Variants in OSBPL9 observed in about 807,000 individuals in gnomAD.
OSBPL9 encodes oxysterol-binding protein-related protein 9.
OSBPL9 carries 40 observed loss-of-function variants against 106.6 expected under a neutral mutation model. The ratio of observed to expected loss-of-function variants is 0.38; its 90% CI spans 0.29 to 0.49. OSBPL9 has a LOEUF of 0.49. Ranked by LOEUF, OSBPL9 falls within the 20% of genes least tolerant of loss-of-function variation. The pLI is 0.97. For missense variants in OSBPL9, 609 were observed against 887.2 expected (o/e 0.69, Z 3.98); for synonymous variants, 269 against 295.4 (o/e 0.91, Z 0.92).
Position 51,609,658 on chromosome 1 carries a change from G to T in OSBPL9, c.-352-4647G>T, listed in dbSNP as rs956490278. Among the ~76,000 whole-genome samples the T allele has an allele frequency of 3.3e-5, 5 of 151,002 alleles. No individual in the cohort carries two copies. In the East Asian group the frequency reaches 9.8e-4, roughly 30 times the overall value. On this transcript the variant is annotated intron_variant, in intron 2 of 25. Transcript: ENST00000371714. The stretch of plus-strand genomic sequence containing the variant: ...GAACCACCACTCCTGGCCAGCTACC[G>T]CCTATGGATTAAAACTCAAATGTGT...
intron 1 of OSBPL9, among the ~76,000 whole-genome samples, chr1:51,648,854 C>T (rs1347575380): frequency 6.6e-6 from 1 of 152,140 alleles, no homozygotes; most frequent in African/African-American, 2.4e-5. Context: ...TAAGGGGCAG[C>T]AATGAGTGAG....
chr1:51,523,295 C>G, the OSBPL9 span, among the ~76,000 whole-genome samples: 1 of 151,436 alleles, frequency 6.6e-6, no homozygotes, highest in Non-Finnish European at 1.5e-5. Context: ...TTATTTGAGA[C>G]AGTGTCTTGC....
chr1:51,610,591 A>G (rs1643980956), intron 2 of OSBPL9, among the ~76,000 whole-genome samples: 2 of 152,196 alleles, frequency 1.3e-5, no homozygotes, highest in African/African-American at 4.8e-5. Flanking sequence ...ACTGACCTCA[A>G]TGAGATTTTA....
At chr1:51,645,051 C>T (rs541109857) in intron 1 of OSBPL9, among the ~76,000 whole-genome samples, 30 of 152,264 alleles carry the variant, frequency 2.0e-4, no homozygotes, top group Admixed American at 1.4e-3. Flanking sequence ...AAAAAGGGCT[C>T]GCTCACTTGT....
intron 1 of OSBPL9, among the ~76,000 whole-genome samples, chr1:51,630,766 T>G (rs2148652358): frequency 6.6e-6 from 1 of 152,374 alleles, no homozygotes; most frequent in Non-Finnish European, 1.5e-5. Context: ...TTTAATTTTT[T>G]TAAAACACCT....
At chr1:51,762,782 T>G (rs1671799622) in intron 11 of OSBPL9, among the ~76,000 whole-genome samples, 1 of 152,236 alleles carries the variant, frequency 6.6e-6, no homozygotes, top group Non-Finnish European at 1.5e-5. Context: ...CTTTCCATGT[T>G]TGTAAAATTA....
At chr1:51,735,174 G>A (rs1243866915) in intron 4 of OSBPL9, among the ~76,000 whole-genome samples, 1 of 152,172 alleles carries the variant, frequency 6.6e-6, no homozygotes, top group East Asian at 1.9e-4. Context: ...TGGAGTATTT[G>A]TTCCTTCTGC....
chr1:51,648,793 C>A (rs534322308), intron 1 of OSBPL9, among the ~76,000 whole-genome samples: 1 of 152,276 alleles, frequency 6.6e-6, no homozygotes, highest in African/African-American at 2.4e-5. Flanking sequence ...AGGAATAATT[C>A]TTACCATGCA....
At chr1:51,634,038 A>T (rs951032653) in intron 1 of OSBPL9, among the ~76,000 whole-genome samples, 2 of 152,230 alleles carry the variant, frequency 1.3e-5, no homozygotes, top group African/African-American at 4.8e-5. Context: ...AGTCTATAGG[A>T]TGAGACTTGG....
chr1:51,585,041 G>A (rs1645239975), intron 1 of OSBPL9, among the ~76,000 whole-genome samples: 1 of 152,114 alleles, frequency 6.6e-6, no homozygotes, highest in Non-Finnish European at 1.5e-5. Flanking sequence ...ATGTGCAGTG[G>A]TGCACACCTA....
chr1:51,755,913 G>A (rs186326006), intron 8 of OSBPL9, among the ~76,000 whole-genome samples: 1 of 152,198 alleles, frequency 6.6e-6, no homozygotes, highest in East Asian at 1.9e-4. Context: ...CTCTAGATTT[G>A]TCTATTCTTG....
chr1:51,648,153 AAG>A (rs1646287810), intron 1 of OSBPL9, among the ~76,000 whole-genome samples: 1 of 152,236 alleles, frequency 6.6e-6, no homozygotes. Flanking sequence ...GAACATTGGT[AAG>A]ATAACACTCA....
At chr1:51,544,837 CTTTTTTTTTTTTT>C in the OSBPL9 span, among the ~76,000 whole-genome samples, 2 of 80,258 alleles carry the variant, frequency 2.5e-5, no homozygotes, top group African/African-American at 1.0e-4. Flanking sequence ...AAGAGACATG[CTTTTTTTTTTTTT>C]TTTTTTTTTT....
At chr1:51,591,521 A>T (rs775771983) in intron 1 of OSBPL9, among the ~76,000 whole-genome samples, 1 of 152,152 alleles carries the variant, frequency 6.6e-6, no homozygotes, top group Non-Finnish European at 1.5e-5. Flanking sequence ...AAATATTGGT[A>T]TCTTGCCGGG....
chr1:51,539,404 A>G, the OSBPL9 span, among the ~76,000 whole-genome samples: 1 of 152,068 alleles, frequency 6.6e-6, no homozygotes, highest in Admixed American at 6.6e-5. Flanking sequence ...CTCTGTGTCT[A>G]CCACCATCAC....
rs1678393756 is a variant in OSBPL9, at chr1:51,789,041, A to G, written c.*1252A>G. 3 of 627,160 alleles carry G rather than the reference A, an allele frequency of 4.8e-6. No homozygotes were observed. Among genetic ancestry groups the G allele is most frequent in the Non-Finnish European group, 8.3e-6 (3 of 360,878 alleles). 38.8% of individuals were successfully genotyped at this position (627,160 alleles called of 1,614,324 possible). On this transcript the variant is annotated 3_prime_UTR_variant, in exon 24 of 24. Transcript: ENST00000428468. ...TGGTCTCGCTTGGCCCATTCTGCTA[A>G]TTTTCCTTTGCCAGCTCCTACAGTA...
the OSBPL9 span, among the ~76,000 whole-genome samples, chr1:51,525,049 T>G: frequency 1.3e-5 from 2 of 152,204 alleles, no homozygotes; most frequent in African/African-American, 4.8e-5. Context: ...TTTGCCAGAC[T>G]TGGGCTCTAA....
intron 2 of OSBPL9, among the ~76,000 whole-genome samples, chr1:51,605,704 C>T (rs1439150179): frequency 3.9e-5 from 6 of 152,088 alleles, no homozygotes; most frequent in African/African-American, 1.2e-4. Context: ...GGCTCTCAGC[C>T]GGGCACAGTG....
intron 7 of OSBPL9, 51 bp downstream of exon 7, chr1:51,748,449 A>G: frequency 7.0e-7 from 1 of 1,428,570 alleles, no homozygotes; most frequent in South Asian, 1.6e-5. Context: ...AATGTTTTAA[A>G]AAGTTATTTC....
Sources: allele counts gnomAD v4.1 joint callset (sites outside exome capture counted in the v4.1 genomes callset), GRCh38; gene constraint gnomAD v4.1.1; transcripts MANE v1.5; gene names NCBI Gene and HGNC (gene_info 2026-07-23, HGNC 2026-07-21).